ABCD3: variants seen among roughly 807,000 people sequenced by gnomAD.
The protein encoded by ABCD3 is ATP binding cassette subfamily D member 3.
A neutral mutation model predicts 105.5 loss-of-function variants in ABCD3; 41 were observed. That is an observed-to-expected ratio of 0.39 (90% CI 0.30 to 0.50). The LOEUF (loss-of-function observed/expected upper bound fraction) is 0.50, where lower values mean the gene tolerates loss of function less well. Ranked by LOEUF, ABCD3 falls within the 20% of genes least tolerant of loss-of-function variation. ABCD3 has a pLI of 0.84. For synonymous variants in ABCD3, 258 were observed against 269.0 expected (o/e 0.96, Z 0.40); for missense variants, 622 against 806.3 (o/e 0.77, Z 2.77).
chr1:94,408,165 AAAG>A, the ABCD3 span, among the ~76,000 whole-genome samples: 12 of 152,264 alleles, frequency 7.9e-5, no homozygotes, highest in African/African-American at 2.7e-4. Flanking sequence ...ATAGAGGAGC[AAAG>A]AAGATTTTAT....
chr1:94,509,145 T>G (rs1161991488), intron 21 of ABCD3, among the ~76,000 whole-genome samples: 3 of 152,186 alleles, frequency 2.0e-5, no homozygotes, highest in Non-Finnish European at 4.4e-5. Flanking sequence ...CTCTTATTAT[T>G]TTGAGATAGG....
the ABCD3 span, among the ~76,000 whole-genome samples, chr1:94,396,513 C>T: frequency 1.3e-5 from 2 of 152,162 alleles, no homozygotes; most frequent in African/African-American, 4.8e-5. Context: ...AGTGCCCGCC[C>T]AGGGATATAG....
the ABCD3 span, among the ~76,000 whole-genome samples, chr1:94,409,430 C>G: frequency 1.3e-5 from 2 of 152,076 alleles, no homozygotes; most frequent in Admixed American, 1.3e-4. Context: ...TCTTTTCTCC[C>G]TAATAAATCA....
Position 94,517,332 on chromosome 1 carries a change from G to T in ABCD3, c.*203G>T. 2.0e-6 allele frequency: 1 copy of T among 498,538 alleles called. No individual in the cohort carries two copies. The highest frequency in any genetic ancestry group is 3.2e-5 in the Admixed American group (1 of 30,826). The allele number at this position is 498,538 out of a possible 1,614,324, so 30.9% of individuals were successfully genotyped here. ...GGATATTGCTAATTGTGTATATGTT[G>T]GTTTAATTAATAATATGTACTAAGA... On this transcript the variant is annotated 3_prime_UTR_variant, in exon 23 of 23. Coordinates refer to ENST00000370214, the MANE Select transcript of ABCD3 (RefSeq NM_002858.4).
intron 13 of ABCD3, among the ~76,000 whole-genome samples, chr1:94,489,215 C>T (rs928233915): frequency 2.0e-5 from 3 of 151,978 alleles, no homozygotes; most frequent in African/African-American, 7.2e-5. Flanking sequence ...ATAATAAGAA[C>T]TCATCATCTT....
At chr1:94,413,651 G>A (rs1658953248), upstream of ABCD3, among the ~76,000 whole-genome samples, 1 of 152,148 alleles carries the variant, frequency 6.6e-6, no homozygotes. Context: ...TTTCCTTGGT[G>A]CAGTTGGGTA....
At chr1:94,468,031 C>CT (rs1345587792) in intron 4 of ABCD3, 24 bp downstream of exon 4, 1 of 1,505,682 alleles carries the variant, frequency 6.6e-7, no homozygotes, top group African/African-American at 1.4e-5. Context: ...CACCTTCCTC[C>CT]TATATGTATG....
upstream of ABCD3, among the ~76,000 whole-genome samples, chr1:94,413,434 A>G (rs1449983609): frequency 6.6e-6 from 1 of 152,162 alleles, no homozygotes; most frequent in Non-Finnish European, 1.5e-5. Context: ...GTTGGGAGGA[A>G]AAGGGAGTAC....
At chr1:94,500,613 G>A (rs1246546388) in intron 20 of ABCD3, among the ~76,000 whole-genome samples, 6 of 152,152 alleles carry the variant, frequency 3.9e-5, no homozygotes, top group African/African-American at 1.4e-4. Context: ...GAAAACTGTA[G>A]CTAAGGAAAG....
chr1:94,438,948 A>G (rs183085193), intron 1 of ABCD3, among the ~76,000 whole-genome samples: 3 of 152,284 alleles, frequency 2.0e-5, no homozygotes, highest in Admixed American at 1.3e-4. Context: ...TTGAGGGTAC[A>G]CTGCTATGTA....
intron 1 of ABCD3, among the ~76,000 whole-genome samples, chr1:94,458,195 A>G (rs1647682241): frequency 6.6e-6 from 1 of 152,170 alleles, no homozygotes; most frequent in Admixed American, 6.5e-5. Flanking sequence ...GGTTGGGGAA[A>G]GATTCCCAGC....
intron 1 of ABCD3, among the ~76,000 whole-genome samples, chr1:94,439,781 A>G (rs767886220): frequency 6.6e-6 from 1 of 151,726 alleles, no homozygotes; most frequent in Non-Finnish European, 1.5e-5. Context: ...TTTCTTTCTA[A>G]ATTTCTAATA....
At chr1:94,492,793 G>A (rs1040323122) in intron 16 of ABCD3, among the ~76,000 whole-genome samples, 1 of 152,140 alleles carries the variant, frequency 6.6e-6, no homozygotes, top group African/African-American at 2.4e-5. Context: ...CATGACTGAA[G>A]CACAATGAGA....
At chr1:94,418,901 GT>G in intron 1 of ABCD3, 1 of 456,946 alleles carries the variant, frequency 2.2e-6, no homozygotes, top group Non-Finnish European at 4.0e-6. Flanking sequence ...GGGATGCGGT[GT>G]GTCCCCCACC....
At chr1:94,398,924 AAAAC>A in the ABCD3 span, among the ~76,000 whole-genome samples, 1 of 152,210 alleles carries the variant, frequency 6.6e-6, no homozygotes, top group African/African-American at 2.4e-5. Context: ...CCGTCTCAAA[AAAAC>A]AAACAAACAA....
At chr1:94,401,623 A>G in the ABCD3 span, among the ~76,000 whole-genome samples, 54 of 152,222 alleles carry the variant, frequency 3.5e-4, no homozygotes, top group African/African-American at 1.2e-3. Flanking sequence ...TTTTTCTTTC[A>G]TATTTTTAGA....
At chr1:94,413,126 C>A in the ABCD3 span, among the ~76,000 whole-genome samples, 1 of 152,028 alleles carries the variant, frequency 6.6e-6, no homozygotes, top group Non-Finnish European at 1.5e-5. Flanking sequence ...CTAGAAAGGT[C>A]TTCCCCATGC....
At chr1:94,454,728 T>C (rs577935263) in intron 1 of ABCD3, among the ~76,000 whole-genome samples, 163 of 152,338 alleles carry the variant, frequency 1.1e-3, no homozygotes, top group African/African-American at 3.8e-3. Flanking sequence ...CTTGGCCCAC[T>C]GCAACCTCTG....
chr1:94,398,891 C>T, the ABCD3 span, among the ~76,000 whole-genome samples: 7 of 151,712 alleles, frequency 4.6e-5, no homozygotes, highest in Non-Finnish European at 8.8e-5. Flanking sequence ...TCCAGCCCGG[C>T]GACAGACTGA....
Sources: gnomAD v4.1 joint callset for allele counts (sites outside exome capture counted in the v4.1 genomes callset) on GRCh38, gnomAD v4.1.1 for gene constraint, MANE v1.5 for transcripts, NCBI Gene and HGNC (gene_info 2026-07-23, HGNC 2026-07-21) for gene names.